The following FHIP2B variants were observed in gnomAD, a reference collection of about 807,000 sequenced individuals.
The protein encoded by FHIP2B is FHF complex subunit HOOK interacting protein 2B.
In FHIP2B, 72 loss-of-function variants were observed where a neutral mutation model predicts 84.0. The ratio of observed to expected loss-of-function variants is 0.86; its 90% CI spans 0.71 to 1.04. The LOEUF is 1.04. FHIP2B is among the 50% of genes least tolerant of loss of function. FHIP2B has a pLI of 0.00. For missense variants in FHIP2B, 972 were observed against 968.9 expected (o/e 1.00, Z -0.04); for synonymous variants, 497 against 418.7 (o/e 1.19, Z -2.28).
intron 1 of FHIP2B, among the ~76,000 whole-genome samples, 157 bp from the exon 2 acceptor site, chr8:22,094,283 G>A (rs989344888): frequency 6.6e-6 from 1 of 152,102 alleles, no homozygotes; most frequent in Admixed American, 6.5e-5. Context: ...TGTCCTGGAG[G>A]AAATGTGTTA....
chr8:22,098,022 G>T, intron 5 of FHIP2B, 46 bp from the exon 6 acceptor site: 1 of 1,544,316 alleles, frequency 6.5e-7, no homozygotes, highest in South Asian at 1.2e-5. Flanking sequence ...GGGGACCCTG[G>T]GAAGTGGTCC....
chr8:22,096,708 C>T, intron 3 of FHIP2B, 199 bp downstream of exon 3: 1 of 687,034 alleles, frequency 1.5e-6, no homozygotes, highest in East Asian at 3.2e-5. Context: ...CTATGCTCTT[C>T]CCAGTCCTGA....
intron 9 of FHIP2B, 69 bp from the exon 10 acceptor site, chr8:22,099,635 G>A (rs1343443846): frequency 6.8e-7 from 1 of 1,480,164 alleles, no homozygotes; most frequent in Admixed American, 2.3e-5. Flanking sequence ...AAGCAGGAAG[G>A]GTTCGGCCAC....
chr8:22,097,421 G>C (rs543623193), intron 3 of FHIP2B, 95 bp from the exon 4 acceptor site: 1 of 870,402 alleles, frequency 1.1e-6, no homozygotes, highest in Admixed American at 2.2e-5. Flanking sequence ...AGGGGACACG[G>C]CTCTGACAGG....
rs1826109299 is a variant in FHIP2B, at chr8:22,101,473, C to G, written c.1650C>G (p.Thr550=). Residue 550 remains threonine, a synonymous_variant, in exon 13 of 17, where the codon ACC becomes ACG. Transcript: ENST00000289921. ...GCCTGGTCCCCGAGGAAGCCAAGAC[C>G]TCTGCCTTCCTGGAGGAGACAGGCT... ...FLCLVPEEAK[T]SAFLEETGYD... is the part of the protein sequence containing the mutation. 5 of 1,612,614 alleles carry G rather than the reference C, an allele frequency of 3.1e-6. No individual in the cohort carries two copies. The East Asian group carries it at 8.9e-5, about 29-fold the overall frequency.
Position 22,097,859 on chromosome 8 carries a change from A to C in FHIP2B, c.525+20A>C. ...CTGGAAGTGAGCACTCTGATCGGGAACAGGAGGGGGAGGGCCCAGAACCCC... is the reference window on the plus strand; with the variant it reads ...CTGGAAGTGAGCACTCTGATCGGGACCAGGAGGGGGAGGGCCCAGAACCCC... On this transcript the variant is annotated intron_variant, in intron 5 of 16. Transcript: ENST00000289921. The C allele has an allele frequency of 6.2e-7, 1 of 1,609,996 alleles. No individual in the cohort carries two copies. Among genetic ancestry groups the C allele is most frequent in the Non-Finnish European group, 8.5e-7 (1 of 1,177,566 alleles).
chr8:22,095,249 C>G (rs983631632), intron 2 of FHIP2B: 3 of 152,320 alleles, frequency 2.0e-5, no homozygotes, highest in African/African-American at 7.2e-5. Context: ...CCAGGAAATT[C>G]AGAAATCTGT....
intron 14 of FHIP2B, 137 bp downstream of exon 14, chr8:22,101,988 G>C: frequency 2.0e-6 from 3 of 1,500,460 alleles, no homozygotes; most frequent in Non-Finnish European, 1.8e-6. Flanking sequence ...GGGAAGCCCC[G>C]TCTCACCCCT....
chr8:22,089,808 C>T (rs1470802320), intron 1 of FHIP2B: 23 of 1,286,322 alleles, frequency 1.8e-5, no homozygotes, highest in Non-Finnish European at 2.1e-5. Flanking sequence ...CCCGTCACCC[C>T]GGGACGTGGG....
At position 22,094,436 on chromosome 8, in the gene FHIP2B, G is replaced by A. The variant is rs371565241; in HGVS notation, c.46-4G>A. ...CACTGAGGTTGTGTGTCTGCCCTCCGCAGCGCGAGCCCAGCATTGACCTGC... is the reference window on the plus strand; with the variant it reads ...CACTGAGGTTGTGTGTCTGCCCTCCACAGCGCGAGCCCAGCATTGACCTGC... On this transcript the variant is annotated splice_polypyrimidine_tract_variant and splice_region_variant and intron_variant, in intron 1 of 16. Coordinates refer to ENST00000289921, the MANE Select transcript of FHIP2B (RefSeq NM_022749.7). 14 of 1,600,666 alleles carry A rather than the reference G, an allele frequency of 8.7e-6. No individual in the cohort carries two copies. The highest frequency in any genetic ancestry group is 5.4e-5 in the African/African-American group (4 of 73,742).
Position 22,102,536 on chromosome 8 carries a change from G to A in FHIP2B, c.2001G>A (p.Gly667=), listed in dbSNP as rs760318408. ...SLFSVLVRVI[G]DLMQRIQRVP... The stretch of plus-strand genomic sequence containing the variant: ...TGTGATTCCCGCTGTAGGTGATCGG[G>A]GACTTGATGCAGAGAATCCAGAGGG... Residue 667 remains glycine (G), a synonymous_variant, in exon 16 of 17, where the codon GGG becomes GGA. Transcript: ENST00000289921. The A allele has an allele frequency of 2.3e-5, 36 of 1,558,008 alleles. No homozygotes were observed. The highest frequency in any genetic ancestry group is 3.3e-4 in the Middle Eastern group (2 of 5,996).
At chr8:22,090,099 T>A (rs541685516) in intron 1 of FHIP2B, among the ~76,000 whole-genome samples, 1 of 130,306 alleles carries the variant, frequency 7.7e-6, no homozygotes, top group South Asian at 2.6e-4. Context: ...CTACTAGGGT[T>A]CGTTCAGCAA....
At position 22,097,568 on chromosome 8, in the gene FHIP2B, C is replaced by G; in HGVS notation, c.350C>G (p.Ala117Gly). ...QVFQFFSKVL[A>G]QVQHPLLHYL... ...TTCCAGTTCTTCAGCAAGGTTCTGG[C>G]GCAGGTGCAGCACCCCCTGCTGCAT... The change falls in exon 4 of 17, where the codon GCG becomes GGG. Residue 117 changes from alanine (A) to glycine (G), a missense_variant. Coordinates refer to ENST00000289921, the MANE Select transcript of FHIP2B (RefSeq NM_022749.7). 6.2e-7 allele frequency: 1 copy of G among 1,610,210 alleles called. No individual in the cohort carries two copies. Among genetic ancestry groups the G allele is most frequent in the Non-Finnish European group, 8.5e-7 (1 of 1,178,600 alleles).
chr8:22,100,032 T>A, intron 10 of FHIP2B, 139 bp downstream of exon 10: 1 of 825,542 alleles, frequency 1.2e-6, no homozygotes. Context: ...CCGAGCCACT[T>A]TTATCACACA....
intron 3 of FHIP2B, chr8:22,097,192 A>T: frequency 2.5e-6 from 1 of 407,908 alleles, no homozygotes; most frequent in Non-Finnish European, 4.5e-6. Flanking sequence ...ACAACGTGGC[A>T]AGGGAAGCAG....
chr8:22,101,228 G>T, intron 12 of FHIP2B: 1 of 638,236 alleles, frequency 1.6e-6, no homozygotes, highest in Non-Finnish European at 2.7e-6. Context: ...TCCCCATGTT[G>T]GCCAGGCAGG....
At chr8:22,095,436 G>A (rs1027377824) in intron 2 of FHIP2B, 11 of 152,274 alleles carry the variant, frequency 7.2e-5, no homozygotes, top group Non-Finnish European at 1.6e-4. Context: ...GGACAACCAG[G>A]AAGGTCTCCA....
In FHIP2B at chr8:22,096,399, C is replaced by A. The variant is rs753738565; in HGVS notation, c.187C>A (p.Leu63Met). 1.3e-6 allele frequency: 2 copies of A among 1,558,576 alleles called. No individual in the cohort carries two copies. Among genetic ancestry groups the A allele is most frequent in the Non-Finnish European group, 1.7e-6 (2 of 1,151,098 alleles). ...GCGGCTGAAGCAGATGCTGGATATC[C>A]TGGTGTATGAAGAGCAGCAGCAGGC... ...PWRLKQMLDI[L>M]VYEEQQQAAA... The change falls in exon 3 of 17, where the codon CTG (leucine) becomes ATG (methionine). Residue 63 changes from leucine (L) to methionine (M), a missense_variant. Coordinates refer to ENST00000289921, the MANE Select transcript of FHIP2B (RefSeq NM_022749.7).
At chr8:22,094,344 A>G (rs928081827) in intron 1 of FHIP2B, 96 bp from the exon 2 acceptor site, 9 of 1,281,508 alleles carry the variant, frequency 7.0e-6, no homozygotes, top group African/African-American at 1.6e-5. Flanking sequence ...GAGGAGGCCT[A>G]GCATGAACCT....
Sources: allele counts gnomAD v4.1 joint callset (sites outside exome capture counted in the v4.1 genomes callset), GRCh38; gene constraint gnomAD v4.1.1; transcripts MANE v1.5; gene names NCBI Gene and HGNC (gene_info 2026-07-23, HGNC 2026-07-21).